The following GPC5 variants were observed in gnomAD, a reference collection of about 807,000 sequenced individuals.
The protein encoded by GPC5 is glypican 5, also known as glypican-5.
A neutral mutation model predicts 53.9 loss-of-function variants in GPC5; 47 were observed. The ratio of observed to expected loss-of-function variants is 0.87; its 90% CI spans 0.69 to 1.11. GPC5 has a LOEUF of 1.11. GPC5 is among the 50% of genes most tolerant of loss of function. The pLI, the probability that GPC5 is intolerant of heterozygous loss-of-function variation, is 0.00. For missense variants in GPC5, 748 were observed against 713.1 expected, an observed-to-expected ratio of 1.05 and a Z score of -0.56; for synonymous variants, 286 against 263.3, an observed-to-expected ratio of 1.09 and a Z score of -0.84.
intron 2 of GPC5, among the ~76,000 whole-genome samples, chr13:91,649,583 C>T (rs768296998): frequency 1.8e-4 from 27 of 152,132 alleles, no homozygotes; most frequent in Non-Finnish European, 3.7e-4. Flanking sequence ...TGAAAACTGC[C>T]CTTGTGACTG....
intron 7 of GPC5, among the ~76,000 whole-genome samples, chr13:92,390,650 G>A (rs560296234): frequency 6.6e-6 from 1 of 152,014 alleles, no homozygotes; most frequent in Non-Finnish European, 1.5e-5. Context: ...TTTTGGTTCT[G>A]TGATTCTTTG....
At chr13:92,428,436 C>A (rs1383202284) in intron 7 of GPC5, among the ~76,000 whole-genome samples, 1 of 152,094 alleles carries the variant, frequency 6.6e-6, no homozygotes, top group African/African-American at 2.4e-5. Context: ...CATCCAGACG[C>A]CAGCTTGCCT....
At chr13:92,411,021 G>A (rs1876017584) in intron 7 of GPC5, among the ~76,000 whole-genome samples, 1 of 152,176 alleles carries the variant, frequency 6.6e-6, no homozygotes, top group Non-Finnish European at 1.5e-5. Context: ...GATCACTTGA[G>A]GTCAGGAGTC....
In GPC5 at chr13:91,602,384, C is replaced by G. The variant is rs554041734; in HGVS notation, c.326-90803C>G. On this transcript the variant is annotated intron_variant, in intron 2 of 7. Transcript: ENST00000377067. ...TAAGCAATTAACCCAGTGATTAGAG[C>G]ACAGGAGATAATTTGTAATCATGGA... Among the ~76,000 whole-genome samples, 3 of 152,250 alleles carry G rather than the reference C, an allele frequency of 2.0e-5. No homozygotes were observed. The South Asian group carries it at 6.2e-4, about 32-fold the overall frequency.
At position 91,693,402 on chromosome 13, in the gene GPC5, C is replaced by A. The variant is rs2035802252; in HGVS notation, c.541C>A (p.Pro181Thr). The A allele has an allele frequency of 1.2e-6, 2 of 1,614,040 alleles. No individual in the cohort carries two copies. Among genetic ancestry groups the A allele is most frequent in the Non-Finnish European group, 1.7e-6 (2 of 1,180,002 alleles). ...TCTGGTCTACAACCACCTCATTAAC[C>A]CTGGTGTGACTGACAGTTCCCTGGA... ...FPLVYNHLIN[P>T]GVTDSSLEYS... Residue 181 changes from proline to threonine, a missense_variant, in exon 3 of 8, where the codon CCT becomes ACT. Coordinates refer to ENST00000377067, the MANE Select transcript of GPC5 (RefSeq NM_004466.6).
At chr13:92,375,921 T>TA (rs2043690328) in intron 7 of GPC5, among the ~76,000 whole-genome samples, 1 of 152,220 alleles carries the variant, frequency 6.6e-6, no homozygotes, top group African/African-American at 2.4e-5. Flanking sequence ...AAGTGTTACA[T>TA]AAAAAATACC....
At chr13:92,257,856 G>T (rs947951028) in intron 7 of GPC5, among the ~76,000 whole-genome samples, 1 of 151,838 alleles carries the variant, frequency 6.6e-6, no homozygotes, top group Non-Finnish European at 1.5e-5. Flanking sequence ...GGCCTACAGG[G>T]GTGTTTAGAT....
chr13:92,334,756 G>A (rs7996497), intron 7 of GPC5, among the ~76,000 whole-genome samples: 61,425 of 151,928 alleles, frequency 0.4, 12,560 homozygotes, highest in Middle Eastern at 0.51. Flanking sequence ...CACAGGCCCA[G>A]TGCAAGTCCA....
chr13:92,008,025 C>T (rs2040623396), intron 6 of GPC5, among the ~76,000 whole-genome samples: 1 of 150,946 alleles, frequency 6.6e-6, no homozygotes, highest in Non-Finnish European at 1.5e-5. Context: ...TGGAACAGTA[C>T]ATGACTTATC....
chr13:92,720,640 A>C (rs951609755), intron 7 of GPC5, among the ~76,000 whole-genome samples: 4 of 152,152 alleles, frequency 2.6e-5, no homozygotes, highest in Admixed American at 6.6e-5. Context: ...ATGCAAATAT[A>C]TTCTGAAATT....
At chr13:92,307,752 AAG>A (rs2043120159) in intron 7 of GPC5, among the ~76,000 whole-genome samples, 1 of 152,234 alleles carries the variant, frequency 6.6e-6, no homozygotes, top group South Asian at 2.1e-4. Context: ...GGAAGAGAAA[AAG>A]AGAAAACAAA....
At chr13:91,617,377 G>T (rs1308587114) in intron 2 of GPC5, among the ~76,000 whole-genome samples, 1 of 152,118 alleles carries the variant, frequency 6.6e-6, no homozygotes, top group Non-Finnish European at 1.5e-5. Flanking sequence ...GACCACGGGA[G>T]TCTGGGTGGC....
chr13:92,671,852 A>T (rs1203307250), intron 7 of GPC5, among the ~76,000 whole-genome samples: 6 of 152,200 alleles, frequency 3.9e-5, no homozygotes, highest in Non-Finnish European at 1.5e-5. Flanking sequence ...AAGGATAAAT[A>T]AACTGTTCTG....
intron 5 of GPC5, among the ~76,000 whole-genome samples, chr13:91,805,208 C>T (rs2038201066): frequency 6.6e-6 from 1 of 152,122 alleles, no homozygotes; most frequent in Non-Finnish European, 1.5e-5. Flanking sequence ...CCACGGCCAA[C>T]CCTCAAGTTC....
intron 7 of GPC5, among the ~76,000 whole-genome samples, chr13:92,327,364 T>C (rs1272347544): frequency 2.0e-5 from 3 of 152,182 alleles, no homozygotes; most frequent in African/African-American, 7.2e-5. Flanking sequence ...GTATTACACA[T>C]GCTTGTGTTA....
At chr13:92,811,102 A>G (rs1877282303) in intron 7 of GPC5, among the ~76,000 whole-genome samples, 1 of 151,980 alleles carries the variant, frequency 6.6e-6, no homozygotes, top group Admixed American at 6.6e-5. Flanking sequence ...ACATGAATAT[A>G]CAAATTTTGT....
chr13:92,598,754 C>T (rs754175053), intron 7 of GPC5, among the ~76,000 whole-genome samples: 21 of 152,228 alleles, frequency 1.4e-4, no homozygotes, highest in Admixed American at 2.6e-4. Context: ...AGACTTTAAA[C>T]GCCTGTAATC....
intron 6 of GPC5, among the ~76,000 whole-genome samples, chr13:92,074,496 A>G (rs1222175401): frequency 6.6e-6 from 1 of 152,214 alleles, no homozygotes; most frequent in East Asian, 1.9e-4. Context: ...GGAGCTGTGA[A>G]TATTCCAACT....
intron 2 of GPC5, among the ~76,000 whole-genome samples, chr13:91,576,967 C>T (rs1340994386): frequency 6.6e-6 from 1 of 152,022 alleles, no homozygotes; most frequent in East Asian, 1.9e-4. Flanking sequence ...GGCAGAAATA[C>T]TTCACATGTT....
Sources: gnomAD v4.1 joint callset for allele counts (sites outside exome capture counted in the v4.1 genomes callset) on GRCh38, gnomAD v4.1.1 for gene constraint, MANE v1.5 for transcripts, NCBI Gene and HGNC (gene_info 2026-07-23, HGNC 2026-07-21) for gene names.